POLDIP2: variants seen among roughly 807,000 people sequenced by gnomAD.
POLDIP2 encodes DNA polymerase delta interacting protein 2.
In POLDIP2, 32 loss-of-function variants were observed where a neutral mutation model predicts 52.9. The observed-to-expected ratio is 0.61, with a 90% confidence interval of 0.46 to 0.81. POLDIP2 has a LOEUF of 0.81. Ranked by LOEUF, POLDIP2 falls within the 40% of genes least tolerant of loss-of-function variation. The pLI is 0.00. For missense variants in POLDIP2, 371 were observed against 477.3 expected, an observed-to-expected ratio of 0.78 and a Z score of 2.07; for synonymous variants, 183 against 183.0, an observed-to-expected ratio of 1.00 and a Z score of 0.00.
chr17:28,348,065 G>T lies in POLDIP2; in HGVS notation c.*52C>A. On this transcript the variant is annotated 3_prime_UTR_variant, in exon 11 of 11. Transcript: ENST00000540200. ...AAGAGTTCTGCAGCAATTGTGGGAT[G>T]AGAGTTGTTCTTCCCGGTGACCAAG... 3.0e-6 allele frequency: 3 copies of T among 1,002,300 alleles called. No individual in the cohort carries two copies. The highest frequency in any genetic ancestry group is 1.3e-5 in the South Asian group (1 of 77,698). The allele number at this position is 1,002,300 out of a possible 1,614,324, so 62.1% of individuals were successfully genotyped here. A position where few individuals can be genotyped will look rare whatever the true frequency, so the allele number is the denominator to read the frequency against.
rs782311219 is a variant in POLDIP2 at position 28,352,237 on chromosome 17, C to CTT, written c.623-439_623-438dup. Among the ~76,000 whole-genome samples, 195 of 87,652 alleles carry CTT rather than the reference C, an allele frequency of 2.2e-3. 15 individuals are homozygous for CTT. The highest frequency in any genetic ancestry group is 8.6e-3 in the African/African-American group (177 of 20,584). The allele number at this position is 87,652 out of a possible 152,430, so 57.5% of individuals were successfully genotyped here. A position where few individuals can be genotyped will look rare whatever the true frequency, so the allele number is the denominator to read the frequency against. ...TGGAAATAGAGCGTTGGAATTATTT[C>CTT]TTTTTTTTTTTTTTTTTTGGAGACG... On this transcript the variant is annotated intron_variant, in intron 6 of 10. Coordinates refer to ENST00000540200, the MANE Select transcript of POLDIP2 (RefSeq NM_015584.5).
chr17:28,355,745 A>T (rs782374041), intron 2 of POLDIP2, 50 bp downstream of exon 2: 1 of 1,423,746 alleles, frequency 7.0e-7, no homozygotes, highest in South Asian at 1.2e-5. Context: ...GACTTTTTTC[A>T]GAAGCAGAGC....
Position 28,353,732 on chromosome 17 carries a change from TAGTA to T in POLDIP2, c.397_400del (p.Tyr133IlefsTer4). The T allele has an allele frequency of 6.2e-7, 1 of 1,613,222 alleles. No individual in the cohort carries two copies. Among genetic ancestry groups the T allele is most frequent in the Non-Finnish European group, 8.5e-7 (1 of 1,179,546 alleles). ...GTCACGAGCATCAATCAGCACCTGA[TAGTA>T]AGTGTGAGTTTTGCCTTTCACCTCC... is the stretch of plus-strand genomic sequence containing the variant. On this transcript the variant is annotated frameshift_variant, in exon 4 of 11. Transcript: ENST00000540200. LOFTEE classifies it high-confidence loss of function.
intron 6 of POLDIP2, among the ~76,000 whole-genome samples, chr17:28,352,683 C>T (rs917725625): frequency 1.3e-5 from 2 of 151,844 alleles, no homozygotes; most frequent in African/African-American, 2.4e-5. Context: ...GGATTACAGG[C>T]GCCCACCACC....
chr17:28,352,966 C>T lies in POLDIP2; in HGVS notation c.568G>A (p.Val190Ile). The T allele has an allele frequency of 6.5e-7, 1 of 1,531,850 alleles. No homozygotes were observed. Among genetic ancestry groups the T allele is most frequent in the Non-Finnish European group, 9.1e-7 (1 of 1,104,814 alleles). The allele number at this position is 1,531,850 out of a possible 1,614,324, so 94.9% of individuals were successfully genotyped here. The part of the protein sequence containing the change: ...DILPYTSTDQ[V>I]PIQHELFERF... ...TCAAAGAGTTCATGTTGGATGGGAA[C>T]CTGATCAGTGGAGGTGTAGGGGAGG... is the stretch of plus-strand genomic sequence containing the variant. Residue 190 changes from valine to isoleucine, a missense_variant, in exon 6 of 11, where the codon GTT (valine) becomes ATT (isoleucine). Coordinates refer to ENST00000540200, the MANE Select transcript of POLDIP2 (RefSeq NM_015584.5).
At chr17:28,352,007 AGT>A (rs1476767517) in intron 6 of POLDIP2, among the ~76,000 whole-genome samples, 15 of 152,198 alleles carry the variant, frequency 9.9e-5, no homozygotes, top group Non-Finnish European at 4.4e-5. Flanking sequence ...CTGAGGAGCT[AGT>A]GTGATACAAT....
intron 9 of POLDIP2, 71 bp from the exon 10 acceptor site, chr17:28,349,233 G>T: frequency 9.2e-7 from 1 of 1,085,954 alleles, no homozygotes; most frequent in Non-Finnish European, 1.4e-6. Context: ...AGGGTTACAT[G>T]CTGACTGCCA....
chr17:28,349,986 T>A (rs1272930848), intron 9 of POLDIP2, among the ~76,000 whole-genome samples: 1 of 152,106 alleles, frequency 6.6e-6, no homozygotes, highest in Non-Finnish European at 1.5e-5. Flanking sequence ...GAGACAGGGT[T>A]GGGTAGGCAG....
intron 6 of POLDIP2, among the ~76,000 whole-genome samples, 184 bp from the exon 7 acceptor site, chr17:28,351,984 C>G (rs576363071): frequency 2.6e-5 from 4 of 152,166 alleles, no homozygotes; most frequent in Non-Finnish European, 5.9e-5. Context: ...AGGACTGCTA[C>G]CAAGAATAAG....
intron 2 of POLDIP2, among the ~76,000 whole-genome samples, chr17:28,355,203 G>A (rs1167896307): frequency 1.3e-5 from 2 of 152,168 alleles, no homozygotes; most frequent in Non-Finnish European, 2.9e-5. Context: ...CAGCAACTTG[G>A]CTAAACCTCA....
chr17:28,348,755 A>C (rs1907682898), intron 10 of POLDIP2, among the ~76,000 whole-genome samples: 1 of 152,224 alleles, frequency 6.6e-6, no homozygotes, highest in South Asian at 2.1e-4. Context: ...TCTGGCCTTT[A>C]GATACATACT....
intron 1 of POLDIP2, 63 bp from the exon 2 acceptor site, chr17:28,355,939 A>C (rs1055446379): frequency 7.6e-7 from 1 of 1,312,042 alleles, no homozygotes. Context: ...GTTATCCATA[A>C]GAAAAAGCTC....
At chr17:28,354,900 G>C (rs1907956710) in intron 2 of POLDIP2, among the ~76,000 whole-genome samples, 1 of 152,170 alleles carries the variant, frequency 6.6e-6, no homozygotes, top group Non-Finnish European at 1.5e-5. Context: ...CACAATAGCA[G>C]GAATCATGTC....
Position 28,352,923 on chromosome 17 carries a change from T to C in POLDIP2, c.611A>G (p.Asp204Gly). ...HELFERFLLY[D>G]QTKAPPFVAR... ...TTGAGAGAGATTACCTTTTGTCTGGTCATACAGAAGAAATCTTTCAAAGAG... is the reference window on the plus strand; with the variant it reads ...TTGAGAGAGATTACCTTTTGTCTGGCCATACAGAAGAAATCTTTCAAAGAG... Residue 204 changes from aspartate (D) to glycine (G), a missense_variant, in exon 6 of 11, where the codon GAC becomes GGC. Coordinates refer to ENST00000540200, the MANE Select transcript of POLDIP2 (RefSeq NM_015584.5). The C allele has an allele frequency of 6.3e-7, 1 of 1,585,104 alleles. No individual in the cohort carries two copies. Among genetic ancestry groups the C allele is most frequent in the Non-Finnish European group, 8.7e-7 (1 of 1,153,668 alleles).
At chr17:28,354,182 G>C (rs1907927589) in intron 3 of POLDIP2, among the ~76,000 whole-genome samples, 1 of 152,136 alleles carries the variant, frequency 6.6e-6, no homozygotes, top group South Asian at 2.1e-4. Context: ...GTGAGATTGA[G>C]GGAAAGACTC....
At chr17:28,355,405 C>T (rs1907974745) in intron 2 of POLDIP2, among the ~76,000 whole-genome samples, 2 of 152,156 alleles carry the variant, frequency 1.3e-5, no homozygotes, top group South Asian at 2.1e-4. Flanking sequence ...GTCGGGAGCT[C>T]GAGACCAGCC....
At position 28,348,236 on chromosome 17, in the gene POLDIP2, A is replaced by G. The variant is rs782749806; in HGVS notation, c.993-5T>C. 4.4e-6 allele frequency: 7 copies of G among 1,604,402 alleles called. No homozygotes were observed. In the African/African-American group the frequency reaches 8.0e-5, roughly 18 times the overall value. On this transcript the variant is annotated splice_region_variant and splice_polypyrimidine_tract_variant and intron_variant, in intron 10 of 10. Coordinates refer to ENST00000540200, the MANE Select transcript of POLDIP2 (RefSeq NM_015584.5). ...CTTTCAAAGCGGAACGTGCCCCTACAGTCAGAAAGAAGCTGGTTTAGAAGG... is the reference window on the plus strand; with the variant it reads ...CTTTCAAAGCGGAACGTGCCCCTACGGTCAGAAAGAAGCTGGTTTAGAAGG...
Position 28,357,455 on chromosome 17 carries a change from C to T in POLDIP2, c.-7G>A, listed in dbSNP as rs782805415. 10 of 1,433,196 alleles carry T rather than the reference C, an allele frequency of 7.0e-6. No individual in the cohort carries two copies. Among genetic ancestry groups the T allele is most frequent in the Non-Finnish European group, 8.1e-6 (9 of 1,107,182 alleles). The allele number at this position is 1,433,196 out of a possible 1,614,324, so 88.8% of individuals were successfully genotyped here. ...GGGCTGTACAGGCTGCCATGTCCCGCCCGAGCGCCCGCCCGGCTGCTGACA... is the reference window on the plus strand; with the variant it reads ...GGGCTGTACAGGCTGCCATGTCCCGTCCGAGCGCCCGCCCGGCTGCTGACA... On this transcript the variant is annotated 5_prime_UTR_variant, in exon 1 of 11. Transcript: ENST00000540200.
intron 9 of POLDIP2, 34 bp from the exon 10 acceptor site, chr17:28,349,196 GC>G: frequency 6.6e-7 from 1 of 1,520,836 alleles, no homozygotes; most frequent in Non-Finnish European, 9.1e-7. Flanking sequence ...GTCAGGCCAA[GC>G]CCCAGGGACA....
Sources: gnomAD v4.1 joint callset for allele counts (sites outside exome capture counted in the v4.1 genomes callset) on GRCh38, gnomAD v4.1.1 for gene constraint, MANE v1.5 for transcripts, NCBI Gene and HGNC (gene_info 2026-07-23, HGNC 2026-07-21) for gene names.